Variants in CHST8 observed in about 807,000 individuals in gnomAD.
CHST8 encodes the protein carbohydrate sulfotransferase 8, also known as GALNAC-4-ST1.
Under a neutral mutation model 15.0 loss-of-function variants are expected in CHST8, and 10 were observed. The ratio of observed to expected loss-of-function variants is 0.67; its 90% CI spans 0.41 to 1.13. The LOEUF (loss-of-function observed/expected upper bound fraction) is 1.13, where lower values mean the gene tolerates loss of function less well. Ranked by LOEUF, CHST8 falls within the 50% of genes most tolerant of loss-of-function variation. CHST8 has a pLI of 0.00. For missense variants in CHST8, 634 were observed against 608.2 expected, an observed-to-expected ratio of 1.04 and a Z score of -0.45; for synonymous variants, 259 against 256.6, an observed-to-expected ratio of 1.01 and a Z score of -0.09.
At chr19:33,757,600 GA>G (rs1974627207) in intron 3 of CHST8, among the ~76,000 whole-genome samples, 3 of 142,596 alleles carry the variant, frequency 2.1e-5, no homozygotes, top group Admixed American at 7.0e-5. Context: ...AAGAAAGAAA[GA>G]AAGAGCCGGC....
intron 2 of CHST8, among the ~76,000 whole-genome samples, chr19:33,681,191 C>A (rs910670720): frequency 6.6e-6 from 1 of 152,238 alleles, no homozygotes; most frequent in African/African-American, 2.4e-5. Context: ...ACTGTCCCAG[C>A]TGGGCTCAGT....
chr19:33,679,468 A>C (rs1412833427), intron 2 of CHST8, among the ~76,000 whole-genome samples: 1 of 152,168 alleles, frequency 6.6e-6, no homozygotes, highest in Non-Finnish European at 1.5e-5. Context: ...AATTGCCAAG[A>C]AGTAAGTGTG....
At chr19:33,637,134 T>A (rs1403441435) in intron 1 of CHST8, among the ~76,000 whole-genome samples, 1 of 152,118 alleles carries the variant, frequency 6.6e-6, no homozygotes, top group Non-Finnish European at 1.5e-5. Context: ...CGACCAGAGG[T>A]CACTCTCATC....
At chr19:33,706,815 T>G (rs148600820) in intron 3 of CHST8, among the ~76,000 whole-genome samples, 1 of 152,328 alleles carries the variant, frequency 6.6e-6, no homozygotes, top group East Asian at 1.9e-4. Context: ...GCGTCAAGCG[T>G]GTACAACACA....
At chr19:33,759,363 T>C (rs1253839459) in intron 3 of CHST8, among the ~76,000 whole-genome samples, 1 of 152,232 alleles carries the variant, frequency 6.6e-6, no homozygotes, top group Non-Finnish European at 1.5e-5. Context: ...ACGTGCCATG[T>C]CAGCCAGACA....
intron 1 of CHST8, among the ~76,000 whole-genome samples, chr19:33,660,083 G>A (rs919553589): frequency 4.6e-5 from 7 of 152,188 alleles, no homozygotes; most frequent in African/African-American, 1.4e-4. Flanking sequence ...TGGCCTGCAG[G>A]GCTCCTTGCT....
intron 3 of CHST8, among the ~76,000 whole-genome samples, chr19:33,713,811 T>C (rs1973606300): frequency 6.6e-6 from 1 of 152,158 alleles, no homozygotes; most frequent in African/African-American, 2.4e-5. Flanking sequence ...GCACCCGCCT[T>C]GGCCTCCTAG....
chr19:33,649,528 C>T (rs900361684), intron 1 of CHST8, among the ~76,000 whole-genome samples: 2 of 152,166 alleles, frequency 1.3e-5, no homozygotes, highest in East Asian at 1.9e-4. Flanking sequence ...GCCAAATACG[C>T]ATATTCAGCA....
intron 2 of CHST8, among the ~76,000 whole-genome samples, chr19:33,675,499 G>A (rs1972797191): frequency 6.6e-6 from 1 of 152,184 alleles, no homozygotes; most frequent in Admixed American, 6.5e-5. Context: ...TCTGTTTCTC[G>A]CTTCCAAAAA....
At chr19:33,724,621 C>T (rs751036098) in intron 3 of CHST8, among the ~76,000 whole-genome samples, 3 of 152,216 alleles carry the variant, frequency 2.0e-5, no homozygotes, top group Admixed American at 2.0e-4. Flanking sequence ...GCATCTGCCT[C>T]GGAAGGCCCT....
At chr19:33,766,417 A>G (rs1263433453) in intron 3 of CHST8, among the ~76,000 whole-genome samples, 1 of 151,888 alleles carries the variant, frequency 6.6e-6, no homozygotes, top group African/African-American at 2.4e-5. Context: ...TCCTGCCAGC[A>G]CCCTGCACTC....
intron 2 of CHST8, among the ~76,000 whole-genome samples, chr19:33,683,369 G>C (rs1031900895): frequency 7.2e-5 from 11 of 152,196 alleles, no homozygotes; most frequent in African/African-American, 2.7e-4. Flanking sequence ...TTGTCTTCAA[G>C]CTCTGTGATC....
chr19:33,677,265 T>C (rs4805052), intron 2 of CHST8, among the ~76,000 whole-genome samples: 49,564 of 151,826 alleles, frequency 0.33, 9,701 homozygotes, highest in African/African-American at 0.53. Context: ...CACCTGCCCC[T>C]GCCTGGCAGA....
At chr19:33,737,461 G>A (rs926451156) in intron 3 of CHST8, among the ~76,000 whole-genome samples, 5 of 152,170 alleles carry the variant, frequency 3.3e-5, no homozygotes, top group African/African-American at 1.2e-4. Flanking sequence ...AGGGCTAAGC[G>A]TTCACTGTGG....
At position 33,721,583 on chromosome 19, in the gene CHST8, T is replaced by TG. The variant is rs142878599; in HGVS notation, c.130+32195dup. ...AAAGATGGATGGGTAGGCAGATGAG[T>TG]GGGCATATGGATGGATGGATGGATG... On this transcript the variant is annotated intron_variant, in intron 3 of 4. Coordinates refer to ENST00000650847, the MANE Select transcript of CHST8 (RefSeq NM_001127895.2). Among the ~76,000 whole-genome samples the TG allele has an allele frequency of 3.6e-4, 46 of 127,872 alleles. No homozygotes were observed. In the East Asian group the frequency reaches 8.8e-3, roughly 25 times the overall value. 83.9% of individuals were successfully genotyped at this position (127,872 alleles called of 152,430 possible). A position where few individuals can be genotyped will look rare whatever the true frequency, so the allele number is the denominator to read the frequency against.
At chr19:33,677,539 A>C (rs1011690178) in intron 2 of CHST8, among the ~76,000 whole-genome samples, 2 of 152,200 alleles carry the variant, frequency 1.3e-5, no homozygotes, top group African/African-American at 4.8e-5. Context: ...CCAGCAGCCC[A>C]TTCCACCAGA....
chr19:33,685,186 G>C (rs1329716481), intron 2 of CHST8: 1 of 152,216 alleles, frequency 6.6e-6, no homozygotes, highest in African/African-American at 2.4e-5. Context: ...GCCTGCTGCC[G>C]GTCGCCACTG....
In CHST8 at chr19:33,772,432, T is replaced by G. The variant is rs1437307977; in HGVS notation, c.644T>G (p.Leu215Arg). 1 of 1,611,470 alleles carries G rather than the reference T, an allele frequency of 6.2e-7. No individual in the cohort carries two copies. Among genetic ancestry groups the G allele is most frequent in the Non-Finnish European group, 8.5e-7 (1 of 1,179,946 alleles). Residue 215 changes from leucine to arginine, a missense_variant, in exon 5 of 5, where the codon CTG (leucine) becomes CGG (arginine). By Grantham distance (102) the Leu-to-Arg change is moderately radical. Transcript: ENST00000650847. ...WKRVLMVLAG[L>R]ASSTADIQHN... The stretch of plus-strand genomic sequence containing the variant: ...CGGGTGCTCATGGTGCTGGCCGGCC[T>G]GGCCTCGTCCACTGCCGACATCCAG...
At chr19:33,754,567 T>C (rs548384972) in intron 3 of CHST8, among the ~76,000 whole-genome samples, 15 of 152,136 alleles carry the variant, frequency 9.9e-5, no homozygotes, top group Non-Finnish European at 1.3e-4. Context: ...GCTCATCCTC[T>C]CCCAGACGTC....
Sources: gnomAD v4.1 joint callset for allele counts (sites outside exome capture counted in the v4.1 genomes callset) on GRCh38, gnomAD v4.1.1 for gene constraint, MANE v1.5 for transcripts, NCBI Gene and HGNC (gene_info 2026-07-23, HGNC 2026-07-21) for gene names.